Variants in IGDCC3 observed in about 807,000 individuals in gnomAD.
The protein encoded by IGDCC3 is immunoglobulin superfamily DCC subclass member 3.
IGDCC3 carries 47 observed loss-of-function variants against 72.0 expected under a neutral mutation model. The ratio of observed to expected loss-of-function variants is 0.65; its 90% CI spans 0.52 to 0.83. IGDCC3 has a LOEUF of 0.83. Among genes scored for constraint, IGDCC3 ranks in the 40% least tolerant of loss-of-function variants. The pLI is 0.00. For missense variants in IGDCC3, 1,038 were observed against 1,091.3 expected, an observed-to-expected ratio of 0.95 and a Z score of 0.69; for synonymous variants, 477 against 472.8, an observed-to-expected ratio of 1.01 and a Z score of -0.11.
intron 2 of IGDCC3, among the ~76,000 whole-genome samples, chr15:65,356,848 C>CTTTGTTTTTTTTTTTTTT (rs2091225086): frequency 1.4e-5 from 1 of 70,898 alleles, no homozygotes; most frequent in Non-Finnish European, 2.6e-5. Flanking sequence ...AATGGACCTG[C>CTTTGTTTTTTTTTTTTTT]TTTTTTTTTT....
intron 2 of IGDCC3, among the ~76,000 whole-genome samples, chr15:65,353,523 T>C (rs929119168): frequency 7.9e-5 from 12 of 152,196 alleles, no homozygotes; most frequent in African/African-American, 2.9e-4. Context: ...GTGCTGGGAT[T>C]ACAGGCGTGA....
rs1186926470 is a variant in IGDCC3, at chr15:65,329,836, C to T, written c.1887G>A (p.Lys629=). 6.2e-7 allele frequency: 1 copy of T among 1,614,084 alleles called. No homozygotes were observed. Among genetic ancestry groups the T allele is most frequent in the South Asian group, 1.1e-5 (1 of 91,072 alleles). Residue 629 remains lysine (K), a synonymous_variant, in exon 12 of 14, where the codon AAG becomes AAA. Coordinates refer to ENST00000327987, the MANE Select transcript of IGDCC3 (RefSeq NM_004884.4). This position sits in a 1 kb window ranked among gnomAD's most constrained non-coding sequence, Gnocchi z 4.1. ...TGGACGTCTGGTTGGCGGCCTCCTCCTTCCGGCAGTCACATGGTGGGCTCA... is the reference window on the plus strand; with the variant it reads ...TGGACGTCTGGTTGGCGGCCTCCTCTTTCCGGCAGTCACATGGTGGGCTCA... ...TALSPPCDCR[K]EEAANQTSTT...
intron 2 of IGDCC3, among the ~76,000 whole-genome samples, chr15:65,356,848 CTTTTT>C (rs766472764): frequency 1.4e-4 from 10 of 70,898 alleles, no homozygotes; most frequent in African/African-American, 4.0e-4. Context: ...AATGGACCTG[CTTTTT>C]TTTTTTTTTT....
intron 2 of IGDCC3, among the ~76,000 whole-genome samples, chr15:65,349,860 A>C (rs180777908): frequency 3.3e-5 from 5 of 152,358 alleles, no homozygotes; most frequent in African/African-American, 9.6e-5. Flanking sequence ...GAGAAAGAAA[A>C]TAGAGATGGG....
chr15:65,335,597 G>A (rs548042574), intron 3 of IGDCC3, among the ~76,000 whole-genome samples, 176 bp from the exon 4 acceptor site: 1 of 151,818 alleles, frequency 6.6e-6, no homozygotes, highest in Admixed American at 6.6e-5. Context: ...CCTTGACAAC[G>A]ATCGCACACA....
chr15:65,342,323 T>A (rs1595754818), intron 2 of IGDCC3, among the ~76,000 whole-genome samples: 1 of 150,956 alleles, frequency 6.6e-6, no homozygotes, highest in African/African-American at 2.4e-5. Flanking sequence ...GAGGTGGAGG[T>A]TGGGGTGAGC....
intron 2 of IGDCC3, among the ~76,000 whole-genome samples, chr15:65,367,171 C>T (rs1169944285): frequency 2.0e-5 from 3 of 152,012 alleles, no homozygotes; most frequent in Non-Finnish European, 4.4e-5. Flanking sequence ...TGGTGAAACC[C>T]CGTCTCTACT....
intron 2 of IGDCC3, among the ~76,000 whole-genome samples, chr15:65,351,350 C>G (rs28806865): frequency 0.13 from 19,828 of 152,112 alleles, 1,556 homozygotes; most frequent in African/African-American, 0.22. Context: ...CTGGCTAACA[C>G]GGTGAAACTC....
Position 65,377,554 on chromosome 15 carries a change from T to C in IGDCC3, c.103+132A>G. ...CCTCTCCCCGTCCGGATCCGCAGGG[T>C]CCCCCCCGCGCGGGGTCCGCCCTCA... On this transcript the variant is annotated intron_variant, in intron 1 of 13. Coordinates refer to ENST00000327987, the MANE Select transcript of IGDCC3 (RefSeq NM_004884.4). The surrounding 1 kb of genome is among the most constrained non-coding windows in gnomAD (Gnocchi z 4.9). 1 of 918,240 alleles carries C rather than the reference T, an allele frequency of 1.1e-6. No homozygotes were observed. Among genetic ancestry groups the C allele is most frequent in the South Asian group, 3.7e-5 (1 of 27,268 alleles). The allele number at this position is 918,240 out of a possible 1,614,324, so 56.9% of individuals were successfully genotyped here.
rs201295469 is a variant in IGDCC3, at chr15:65,331,386, G to C, written c.1396+26C>G. 7.6e-6 allele frequency: 12 copies of C among 1,582,854 alleles called. No individual in the cohort carries two copies. The East Asian group carries it at 2.7e-4, about 36-fold the overall frequency. On this transcript the variant is annotated intron_variant, in intron 8 of 13. Coordinates refer to ENST00000327987, the MANE Select transcript of IGDCC3 (RefSeq NM_004884.4). ...AATAAGAAATAGTGAATTAGAGGAA[G>C]GGGCAACAGAGCTGGCCACGCGCAC...
At chr15:65,334,681 G>C in intron 5 of IGDCC3, 47 bp downstream of exon 5, 1 of 1,485,160 alleles carries the variant, frequency 6.7e-7, no homozygotes, top group South Asian at 1.3e-5. Flanking sequence ...CCCTCCCAGG[G>C]GGTGGGACAG....
chr15:65,365,567 T>C (rs911106053), intron 2 of IGDCC3, among the ~76,000 whole-genome samples: 7 of 152,116 alleles, frequency 4.6e-5, no homozygotes, highest in Non-Finnish European at 1.0e-4. Context: ...GGTTCTCAGA[T>C]TCCTTTCAGG....
intron 2 of IGDCC3, 42 bp from the exon 3 acceptor site, chr15:65,335,998 G>T: frequency 6.2e-7 from 1 of 1,607,380 alleles, no homozygotes. Flanking sequence ...GCTGCTGAGG[G>T]CAGAAGGTAG....
At position 65,331,196 on chromosome 15, in the gene IGDCC3, T is replaced by A; in HGVS notation, c.1415A>T (p.Tyr472Phe). 2 of 1,613,962 alleles carry A rather than the reference T, an allele frequency of 1.2e-6. No homozygotes were observed. The highest frequency in any genetic ancestry group is 8.5e-7 in the Non-Finnish European group (1 of 1,179,964). The change falls in exon 9 of 14, where the codon TAT (tyrosine) becomes TTT (phenylalanine). Residue 472 changes from tyrosine to phenylalanine, a missense_variant. Coordinates refer to ENST00000327987, the MANE Select transcript of IGDCC3 (RefSeq NM_004884.4). ...RKAADPPELEYQEAVSKSTFQ... is the reference protein window; with the variant it reads ...RKAADPPELEFQEAVSKSTFQ... ...GGTGCTCTTGCTGACTGCCTCCTGA[T>A]ACTCCAGCTCCGGTGGGTCTGGAGA...
intron 5 of IGDCC3, 108 bp from the exon 6 acceptor site, chr15:65,333,523 GC>G: frequency 9.1e-7 from 1 of 1,094,152 alleles, no homozygotes. Flanking sequence ...CTTCTAGGGA[GC>G]CCCAGTCTTT....
In IGDCC3 at chr15:65,333,225, T is replaced by C. The variant is rs750494276; in HGVS notation, c.982+32A>G. On this transcript the variant is annotated intron_variant, in intron 6 of 13. Coordinates refer to ENST00000327987, the MANE Select transcript of IGDCC3 (RefSeq NM_004884.4). Reference sequence around the variant, plus strand: ...GAGGAAGGGACTGTGCGGAGATCCCTGCCCTCCTCCTCAGGGTTGGCTGAT... The same window carrying C: ...GAGGAAGGGACTGTGCGGAGATCCCCGCCCTCCTCCTCAGGGTTGGCTGAT... 8.3e-6 allele frequency: 13 copies of C among 1,565,776 alleles called. No homozygotes were observed. In the South Asian group the frequency reaches 1.6e-4, roughly 19 times the overall value.
chr15:65,356,074 TCTAA>T (rs1477008732), intron 2 of IGDCC3: 5 of 251,052 alleles, frequency 2.0e-5, no homozygotes, highest in Non-Finnish European at 2.5e-5. Context: ...TCAGGGGCGC[TCTAA>T]CTGAGCGCGC....
chr15:65,371,673 A>G (rs1017242121), intron 2 of IGDCC3, among the ~76,000 whole-genome samples: 4 of 152,226 alleles, frequency 2.6e-5, no homozygotes, highest in African/African-American at 9.6e-5. Context: ...CCAGTTCCCC[A>G]AGAGACCTGA....
rs1187499271 is a variant in IGDCC3, at chr15:65,334,862, G to A, written c.689C>T (p.Ser230Leu). ...TGGCTCCTTGTAGGCCCCAGAGCCC[G>A]AGCCTGGGAGGAAGACGCCACATAT... ...SHGARLTVSG[S>L]GSGAYKEPAI... The change falls in exon 5 of 14, where the codon TCG (serine) becomes TTG (leucine). Residue 230 changes from serine (S) to leucine (L), a missense_variant. Coordinates refer to ENST00000327987, the MANE Select transcript of IGDCC3 (RefSeq NM_004884.4). 6.2e-6 allele frequency: 10 copies of A among 1,610,446 alleles called. No individual in the cohort carries two copies. The highest frequency in any genetic ancestry group is 8.5e-6 in the Non-Finnish European group (10 of 1,178,636).
Sources: gnomAD v4.1 joint callset for allele counts (sites outside exome capture counted in the v4.1 genomes callset) on GRCh38, gnomAD v4.1.1 for gene constraint, Gnocchi (gnomAD v3.1) non-coding constraint, MANE v1.5 for transcripts, NCBI Gene and HGNC (gene_info 2026-07-23, HGNC 2026-07-21) for gene names.